Variants in ANTXRL observed in about 807,000 individuals in gnomAD.
The protein encoded by ANTXRL is anthrax toxin receptor-like.
Under a neutral mutation model 75.4 loss-of-function variants are expected in ANTXRL, and 63 were observed. That is an observed-to-expected ratio of 0.84 (90% confidence interval 0.68 to 1.03). The LOEUF is 1.03. Ranked by LOEUF, ANTXRL falls within the 50% of genes least tolerant of loss-of-function variation. ANTXRL has a pLI of 0.00. For synonymous variants in ANTXRL, 335 were observed against 291.3 expected, an observed-to-expected ratio of 1.15 and a Z score of -1.53; for missense variants, 797 against 789.4, an observed-to-expected ratio of 1.01 and a Z score of -0.12.
intron 16 of ANTXRL, among the ~76,000 whole-genome samples, chr10:46,322,558 G>A (rs1406154070): frequency 6.6e-6 from 1 of 151,760 alleles, no homozygotes; most frequent in Non-Finnish European, 1.5e-5. Flanking sequence ...ACCAAACATT[G>A]ATTATAAACC....
intron 2 of ANTXRL, among the ~76,000 whole-genome samples, chr10:46,293,535 A>C (rs1317105027): frequency 1.9e-5 from 2 of 106,852 alleles, no homozygotes; most frequent in African/African-American, 7.5e-5. Flanking sequence ...CTGTGTGTGC[A>C]TGTGTGTGCA....
intron 2 of ANTXRL, among the ~76,000 whole-genome samples, 155 bp from the exon 3 acceptor site, chr10:46,293,674 C>G (rs1224304955): frequency 6.6e-6 from 1 of 151,986 alleles, no homozygotes; most frequent in Non-Finnish European, 1.5e-5. Flanking sequence ...TCTCCACAGG[C>G]CTCAGAGTCC....
chr10:46,309,488 C>G (rs1267214066), intron 13 of ANTXRL, among the ~76,000 whole-genome samples: 1 of 152,182 alleles, frequency 6.6e-6, no homozygotes, highest in Non-Finnish European at 1.5e-5. Flanking sequence ...GAAGTGACCC[C>G]AGAACCCCTG....
chr10:46,321,079 C>T (rs886167070), intron 16 of ANTXRL, among the ~76,000 whole-genome samples: 3 of 152,186 alleles, frequency 2.0e-5, no homozygotes, highest in South Asian at 4.1e-4. Flanking sequence ...GGACAACTTT[C>T]CACTCATCCT....
chr10:46,317,438 C>A (rs1333056846), intron 16 of ANTXRL, among the ~76,000 whole-genome samples: 3 of 152,162 alleles, frequency 2.0e-5, no homozygotes, highest in Non-Finnish European at 2.9e-5. Flanking sequence ...TTCTGGGTAA[C>A]AATTGGAGCT....
intron 7 of ANTXRL, 107 bp downstream of exon 7, chr10:46,297,581 G>A: frequency 8.6e-7 from 1 of 1,161,368 alleles, no homozygotes; most frequent in South Asian, 1.4e-5. Context: ...CCCCAAGTGA[G>A]TTGGGCCAAC....
Position 46,297,837 on chromosome 10 carries a change from G to A in ANTXRL, c.661G>A (p.Ala221Thr). 6.5e-7 allele frequency: 1 copy of A among 1,535,898 alleles called. No individual in the cohort carries two copies. The highest frequency in any genetic ancestry group is 8.7e-7 in the Non-Finnish European group (1 of 1,146,718). Reference sequence around the variant, plus strand: ...CCAGCTCTGCTCTCTGTAGATAACAGCAATTGCAGACAGCCCTGGCCACGT... The same window carrying A: ...CCAGCTCTGCTCTCTGTAGATAACAACAATTGCAGACAGCCCTGGCCACGT... ...VADYNLDQIT[A>T]IADSPGHVFA... The change falls in exon 8 of 17, where the codon GCA (alanine) becomes ACA (threonine). Residue 221 changes from alanine (A) to threonine (T), a missense_variant. By Grantham distance (58) the Ala-to-Thr change is moderately conservative. Around this residue, in one of 3 missense-constraint regions of ANTXRL, gnomAD observed 56 missense variants for 95.5 expected, o/e 0.59. Transcript: ENST00000620264.
At position 46,289,260 on chromosome 10, in the gene ANTXRL, G is replaced by A. The variant is rs368264528; in HGVS notation, c.248+1750G>A. Among the ~76,000 whole-genome samples the A allele has an allele frequency of 2.0e-5, 3 of 152,116 alleles. No homozygotes were observed. In the East Asian group the frequency reaches 5.8e-4, roughly 29 times the overall value. ...TATTCTTGGCCAGGTGACATTTGAG[G>A]GCTCTAAGTGGGAATGACCCCTTGT... On this transcript the variant is annotated intron_variant, in intron 1 of 16. Coordinates refer to ENST00000620264, the MANE Select transcript of ANTXRL (RefSeq NM_001278688.3).
chr10:46,326,031 A>G (rs1839194569), intron 16 of ANTXRL, among the ~76,000 whole-genome samples: 1 of 151,824 alleles, frequency 6.6e-6, no homozygotes, highest in Non-Finnish European at 1.5e-5. Flanking sequence ...GCCATGGAGT[A>G]AAGGTATTTA....
intron 16 of ANTXRL, among the ~76,000 whole-genome samples, chr10:46,323,604 G>A (rs530937764): frequency 6.6e-6 from 1 of 152,290 alleles, no homozygotes; most frequent in South Asian, 2.1e-4. Flanking sequence ...CAACTTGGCT[G>A]CTGCTACATC....
At chr10:46,304,158 T>C (rs1318922805) in intron 10 of ANTXRL, among the ~76,000 whole-genome samples, 1 of 152,184 alleles carries the variant, frequency 6.6e-6, no homozygotes. Flanking sequence ...GGAAAGCTAA[T>C]GCTTACTGAG....
In ANTXRL at chr10:46,287,119, A is replaced by T; in HGVS notation, c.-144A>T. 9.3e-7 allele frequency: 1 copy of T among 1,069,658 alleles called. No individual in the cohort carries two copies. Among genetic ancestry groups the T allele is most frequent in the Non-Finnish European group, 1.3e-6 (1 of 765,206 alleles). 66.3% of individuals were successfully genotyped at this position (1,069,658 alleles called of 1,614,324 possible). On this transcript the variant is annotated 5_prime_UTR_variant, in exon 1 of 17. Transcript: ENST00000620264. ...CTGGGGAGGTACCTGGTGGAGGGCCATAGTGTGCACTGGTGAAAGGGCAGG... is the reference window on the plus strand; with the variant it reads ...CTGGGGAGGTACCTGGTGGAGGGCCTTAGTGTGCACTGGTGAAAGGGCAGG...
At chr10:46,310,054 C>A (rs1356026339) in intron 13 of ANTXRL, among the ~76,000 whole-genome samples, 1 of 152,120 alleles carries the variant, frequency 6.6e-6, no homozygotes. Context: ...GGGGAGGAAG[C>A]CCGGGACTCA....
At chr10:46,313,111 G>C (rs1278843778) in intron 15 of ANTXRL, 125 bp from the exon 16 acceptor site, 9 of 870,812 alleles carry the variant, frequency 1.0e-5, no homozygotes, top group African/African-American at 1.0e-4. Context: ...CTCCCCCAGA[G>C]GGGGATGGGA....
chr10:46,293,374 G>A (rs1318278111), intron 2 of ANTXRL, among the ~76,000 whole-genome samples: 1 of 143,396 alleles, frequency 7.0e-6, no homozygotes, highest in Admixed American at 7.0e-5. Context: ...GAGTGTGCCT[G>A]TGTGTGAGTG....
At chr10:46,313,171 T>C (rs1423415661) in intron 15 of ANTXRL, 65 bp from the exon 16 acceptor site, 1 of 1,381,862 alleles carries the variant, frequency 7.2e-7, no homozygotes, top group African/African-American at 1.4e-5. Flanking sequence ...GGCTGGGGAG[T>C]CCTGATGCCT....
chr10:46,302,642 G>A, intron 9 of ANTXRL, 80 bp from the exon 10 acceptor site: 2 of 1,045,414 alleles, frequency 1.9e-6, no homozygotes, highest in Non-Finnish European at 1.4e-6. Context: ...TTTGGGGGTG[G>A]ATCTCCAGGA....
At chr10:46,291,573 T>C (rs1257569290) in intron 1 of ANTXRL, among the ~76,000 whole-genome samples, 1 of 152,200 alleles carries the variant, frequency 6.6e-6, no homozygotes, top group African/African-American at 2.4e-5. Context: ...TTATTGTGTC[T>C]TTAAATTCTT....
rs1838420508 is a variant in ANTXRL at position 46,311,528 on chromosome 10, C to A, written c.1192C>A (p.Pro398Thr). 5 of 1,533,352 alleles carry A rather than the reference C, an allele frequency of 3.3e-6. No individual in the cohort carries two copies. Among genetic ancestry groups the A allele is most frequent in the Non-Finnish European group, 4.4e-6 (5 of 1,145,586 alleles). 95.0% of individuals were successfully genotyped at this position (1,533,352 alleles called of 1,614,324 possible). The change falls in exon 15 of 17, where the codon CCA becomes ACA. Residue 398 changes from proline to threonine, a missense_variant. Physicochemically the swap from Pro to Thr is conservative, Grantham distance 38. Coordinates refer to ENST00000620264, the MANE Select transcript of ANTXRL (RefSeq NM_001278688.3). ...TTTTTAGGAGCCAGAGCAGGAAAAACCACCATCACCACCACCACCGCCTCC... is the reference window on the plus strand; with the variant it reads ...TTTTTAGGAGCCAGAGCAGGAAAAAACACCATCACCACCACCACCGCCTCC... ...KPEKEPEQEK[P>T]PSPPPPPPPP... is the part of the protein sequence containing the mutation.
Sources: gnomAD v4.1 joint callset for allele counts (sites outside exome capture counted in the v4.1 genomes callset) on GRCh38, gnomAD v4.1.1 for gene constraint, gnomAD v4.1.1 regional missense constraint, MANE v1.5 for transcripts, NCBI Gene and HGNC (gene_info 2026-07-23, HGNC 2026-07-21) for gene names.